Variants in NOL4 observed in about 807,000 individuals in gnomAD.
The protein encoded by NOL4 is nucleolar protein 4, also known as cancer/testis antigen 125.
A neutral mutation model predicts 75.9 loss-of-function variants in NOL4; 17 were observed. The ratio of observed to expected loss-of-function variants is 0.22; its 90% confidence interval spans 0.15 to 0.34. The LOEUF (loss-of-function observed/expected upper bound fraction) is 0.34, where lower values mean the gene tolerates loss of function less well. NOL4 is among the 10% of genes least tolerant of loss of function. The probability of loss-of-function intolerance (pLI) is 1.00; values close to 1 mark genes in which losing one functional copy is unlikely to be tolerated. For missense variants in NOL4, 614 were observed against 793.5 expected, an observed-to-expected ratio of 0.77 and a Z score of 2.72; for synonymous variants, 292 against 289.9, an observed-to-expected ratio of 1.01 and a Z score of -0.07.
At chr18:34,006,030 A>G (rs536498961) in intron 6 of NOL4, among the ~76,000 whole-genome samples, 11 of 152,044 alleles carry the variant, frequency 7.2e-5, no homozygotes, top group Non-Finnish European at 1.6e-4. Flanking sequence ...CATTTTTTGC[A>G]TATAAAAACT....
chr18:33,887,884 G>A (rs1368485036), intron 9 of NOL4, among the ~76,000 whole-genome samples: 3 of 152,094 alleles, frequency 2.0e-5, no homozygotes, highest in African/African-American at 7.2e-5. Flanking sequence ...AAACATACGT[G>A]TGCATGTGTC....
intron 6 of NOL4, among the ~76,000 whole-genome samples, chr18:33,962,864 T>G (rs2070263084): frequency 6.6e-6 from 1 of 152,172 alleles, no homozygotes; most frequent in Non-Finnish European, 1.5e-5. Flanking sequence ...CAGAACCAGT[T>G]GGAACAGTAA....
At chr18:33,873,172 T>C (rs563090528) in intron 10 of NOL4, among the ~76,000 whole-genome samples, 2 of 152,126 alleles carry the variant, frequency 1.3e-5, no homozygotes, top group South Asian at 2.1e-4. Context: ...CCGTGGGGGA[T>C]TGCTTAGCTT....
chr18:33,990,486 A>T (rs2072837635), intron 6 of NOL4, among the ~76,000 whole-genome samples: 1 of 151,958 alleles, frequency 6.6e-6, no homozygotes, highest in Non-Finnish European at 1.5e-5. Context: ...GCCTTCCCTG[A>T]GTCCCTGCCT....
intron 6 of NOL4, among the ~76,000 whole-genome samples, chr18:33,990,619 A>C (rs2072849948): frequency 6.6e-6 from 1 of 152,064 alleles, no homozygotes; most frequent in Non-Finnish European, 1.5e-5. Context: ...TTATTCTTCT[A>C]CAGTTACGTG....
At chr18:34,056,496 T>G (rs949626033) in intron 5 of NOL4, among the ~76,000 whole-genome samples, 1 of 152,166 alleles carries the variant, frequency 6.6e-6, no homozygotes, top group Admixed American at 6.5e-5. Flanking sequence ...GGACCCACCA[T>G]GCCAAACCGC....
At chr18:34,059,103 A>C (rs980715234) in intron 5 of NOL4, among the ~76,000 whole-genome samples, 1 of 137,100 alleles carries the variant, frequency 7.3e-6, no homozygotes, top group African/African-American at 2.6e-5. Flanking sequence ...ACATATATAT[A>C]GAGAGATAGA....
At chr18:34,071,438 G>GACAGACACACAC (rs150543573) in intron 5 of NOL4, among the ~76,000 whole-genome samples, 2 of 147,694 alleles carry the variant, frequency 1.4e-5, no homozygotes, top group African/African-American at 5.0e-5. Context: ...CAGACAGACA[G>GACAGACACACAC]ACACACACAC....
At chr18:34,180,763 A>T (rs1011552147) in intron 1 of NOL4, among the ~76,000 whole-genome samples, 2 of 151,584 alleles carry the variant, frequency 1.3e-5, no homozygotes, top group African/African-American at 2.4e-5. Flanking sequence ...CAATATTTTT[A>T]AAATGTTTCA....
In NOL4 at chr18:34,084,392, C is replaced by T. The variant is rs562062601; in HGVS notation, c.772+9073G>A. Among the ~76,000 whole-genome samples, 18 of 152,230 alleles carry T rather than the reference C, an allele frequency of 1.2e-4. No homozygotes were observed. In the South Asian group the frequency reaches 3.1e-3, roughly 26 times the overall value. ...TGCTGAAATTGTAACAGGGAGGCCC[C>T]GCCCGTCGAGGATAAGGAAAGCAAC... On this transcript the variant is annotated intron_variant, in intron 5 of 10. Transcript: ENST00000261592.
At chr18:33,861,933 T>A (rs2063157712) in intron 10 of NOL4, among the ~76,000 whole-genome samples, 1 of 152,088 alleles carries the variant, frequency 6.6e-6, no homozygotes, top group African/African-American at 2.4e-5. Flanking sequence ...CAAGTTCATA[T>A]GGAACCAAAA....
At chr18:34,177,172 G>C (rs2033627771) in intron 1 of NOL4, among the ~76,000 whole-genome samples, 1 of 151,962 alleles carries the variant, frequency 6.6e-6, no homozygotes. Flanking sequence ...GTCAAAAAAA[G>C]AGTGCATTGA....
intron 5 of NOL4, among the ~76,000 whole-genome samples, chr18:34,072,308 A>C (rs866669217): frequency 2.6e-5 from 4 of 152,198 alleles, no homozygotes; most frequent in African/African-American, 9.7e-5. Context: ...TGTTGTGGCT[A>C]TATTAGCATC....
chr18:34,124,148 T>C (rs2080278533), intron 2 of NOL4, among the ~76,000 whole-genome samples: 1 of 152,206 alleles, frequency 6.6e-6, no homozygotes, highest in Non-Finnish European at 1.5e-5. Context: ...TGTTGTGTTA[T>C]TTTGCCTTAA....
At chr18:34,222,889 A>G (rs552607386) in intron 1 of NOL4, 101 bp downstream of exon 1, 1 of 1,486,300 alleles carries the variant, frequency 6.7e-7, no homozygotes, top group South Asian at 1.3e-5. Flanking sequence ...CACACGAGCC[A>G]ACGGCGGCTC....
intron 9 of NOL4, among the ~76,000 whole-genome samples, chr18:33,941,397 A>G (rs1310455811): frequency 6.6e-6 from 1 of 152,010 alleles, no homozygotes; most frequent in East Asian, 1.9e-4. Context: ...CTAGACAACA[A>G]CCAGGAGAGC....
At chr18:34,097,574 T>C (rs1327862457) in intron 4 of NOL4, among the ~76,000 whole-genome samples, 1 of 152,226 alleles carries the variant, frequency 6.6e-6, no homozygotes, top group Non-Finnish European at 1.5e-5. Flanking sequence ...ACTAGTCGTA[T>C]GTGGCTGTTG....
At chr18:33,939,699 T>C (rs954939358) in intron 9 of NOL4, among the ~76,000 whole-genome samples, 4 of 152,278 alleles carry the variant, frequency 2.6e-5, no homozygotes, top group African/African-American at 9.6e-5. Flanking sequence ...TTTCTAAATA[T>C]ACAATAATGT....
chr18:33,961,533 G>A (rs552259879), intron 6 of NOL4, among the ~76,000 whole-genome samples: 2 of 151,964 alleles, frequency 1.3e-5, no homozygotes, highest in Non-Finnish European at 2.9e-5. Flanking sequence ...GCAGATCATG[G>A]CACTTCTCAG....
Sources: allele counts gnomAD v4.1 joint callset (sites outside exome capture counted in the v4.1 genomes callset), GRCh38; gene constraint gnomAD v4.1.1; transcripts MANE v1.5; gene names NCBI Gene and HGNC (gene_info 2026-07-23, HGNC 2026-07-21).